Variants in LCMT1 observed in about 807,000 individuals in gnomAD.
The protein encoded by LCMT1 is leucine carboxyl methyltransferase 1.
In LCMT1, 32 loss-of-function variants were observed where a neutral mutation model predicts 47.7. The ratio of observed to expected loss-of-function variants is 0.67; its 90% CI spans 0.51 to 0.90. The LOEUF is 0.90. Ranked by LOEUF, LCMT1 falls within the 40% of genes least tolerant of loss-of-function variation. The pLI is 0.00. For missense variants in LCMT1, 375 were observed against 415.2 expected (o/e 0.90, Z 0.84); for synonymous variants, 152 against 149.7 (o/e 1.02, Z -0.11).
At chr16:25,133,242 G>C (rs1282334609) in intron 3 of LCMT1, among the ~76,000 whole-genome samples, 1 of 152,124 alleles carries the variant, frequency 6.6e-6, no homozygotes, top group Non-Finnish European at 1.5e-5. Context: ...ATATGGCTGG[G>C]TGATGATAAT....
At chr16:25,137,183 T>A (rs1223550660) in intron 3 of LCMT1, among the ~76,000 whole-genome samples, 1 of 152,048 alleles carries the variant, frequency 6.6e-6, no homozygotes, top group Non-Finnish European at 1.5e-5. Flanking sequence ...TACAGGCACC[T>A]ACCACCATGC....
chr16:25,159,253 G>T (rs145657293), intron 5 of LCMT1, among the ~76,000 whole-genome samples: 1 of 152,296 alleles, frequency 6.6e-6, no homozygotes, highest in South Asian at 2.1e-4. Flanking sequence ...TCCTAATAGG[G>T]TAGGCAACTA....
chr16:25,158,658 T>C (rs972092334), intron 5 of LCMT1: 1 of 152,260 alleles, frequency 6.6e-6, no homozygotes. Flanking sequence ...ATGGCTTTAT[T>C]TTCCCAGAAT....
At chr16:25,139,977 T>G in intron 3 of LCMT1, 194 bp from the exon 4 acceptor site, 3 of 562,500 alleles carry the variant, frequency 5.3e-6, no homozygotes, top group Non-Finnish European at 9.5e-6. Flanking sequence ...GCTTCCTGAC[T>G]TTTTACCTTC....
At chr16:25,151,242 T>A (rs934335404) in intron 4 of LCMT1, among the ~76,000 whole-genome samples, 26 of 152,218 alleles carry the variant, frequency 1.7e-4, no homozygotes, top group African/African-American at 6.3e-4. Flanking sequence ...TGAAAAATTC[T>A]TGTTAGGTTA....
At chr16:25,173,326 GC>G (rs5816287) in intron 9 of LCMT1, among the ~76,000 whole-genome samples, 7,883 of 152,278 alleles carry the variant, frequency 0.052, 217 homozygotes, top group East Asian at 0.13. Flanking sequence ...CCATCCTGGA[GC>G]CTTCAGTATG....
At chr16:25,151,722 TG>T (rs371061092) in intron 5 of LCMT1, 107 bp downstream of exon 5, 2 of 790,928 alleles carry the variant, frequency 2.5e-6, no homozygotes, top group Non-Finnish European at 4.2e-6. Flanking sequence ...TGTGTGTGTG[TG>T]GTGTTATACA....
At chr16:25,157,990 A>AT (rs1374552268) in intron 5 of LCMT1, among the ~76,000 whole-genome samples, 2 of 152,238 alleles carry the variant, frequency 1.3e-5, no homozygotes, top group Non-Finnish European at 2.9e-5. Context: ...TTGAAAAAAA[A>AT]GTACACATAA....
intron 3 of LCMT1, 23 bp downstream of exon 3, chr16:25,132,546 C>T (rs767758330): frequency 3.1e-6 from 5 of 1,609,456 alleles, no homozygotes; most frequent in Non-Finnish European, 4.2e-6. Flanking sequence ...TCCCCTCCTC[C>T]CTCCCCAAGT....
intron 1 of LCMT1, among the ~76,000 whole-genome samples, chr16:25,113,318 C>G (rs1203212018): frequency 6.6e-6 from 1 of 152,118 alleles, no homozygotes; most frequent in African/African-American, 2.4e-5. Context: ...TTGGATTAAA[C>G]CTTGCACTTT....
Position 25,111,798 on chromosome 16 carries a change from T to C in LCMT1, c.-86T>C. On this transcript the variant is annotated 5_prime_UTR_variant, in exon 1 of 11. Transcript: ENST00000399069. ...GGCCCTACCCTCTTCTGTTGCTTTC[T>C]CCCTGTGGCTCGCGCCGTCCCCCGC... 2.2e-6 allele frequency: 2 copies of C among 892,706 alleles called. No homozygotes were observed. The highest frequency in any genetic ancestry group is 1.4e-5 in the South Asian group (1 of 69,922). The allele number at this position is 892,706 out of a possible 1,614,324, so 55.3% of individuals were successfully genotyped here.
chr16:25,152,463 T>C (rs1258682284), intron 5 of LCMT1, among the ~76,000 whole-genome samples: 1 of 152,180 alleles, frequency 6.6e-6, no homozygotes, highest in Admixed American at 6.5e-5. Context: ...CATTTAAACT[T>C]GGGGTTACCA....
At chr16:25,140,325 C>G in intron 4 of LCMT1, 78 bp downstream of exon 4, 3 of 1,107,882 alleles carry the variant, frequency 2.7e-6, no homozygotes, top group Non-Finnish European at 1.3e-6. Context: ...GATCTGAATG[C>G]CAGAGACTTC....
intron 4 of LCMT1, chr16:25,148,179 T>C (rs1960930657): frequency 6.6e-6 from 1 of 152,380 alleles, no homozygotes; most frequent in South Asian, 2.1e-4. Context: ...GAGTGCCAGC[T>C]TGGATGGTTT....
chr16:25,176,371 G>A (rs868405930), intron 10 of LCMT1, among the ~76,000 whole-genome samples: 9 of 151,970 alleles, frequency 5.9e-5, no homozygotes, highest in South Asian at 4.2e-4. Context: ...CAGCTGATCC[G>A]AAACAGAACT....
intron 4 of LCMT1, among the ~76,000 whole-genome samples, chr16:25,150,990 G>A (rs1322721611): frequency 1.3e-5 from 2 of 152,170 alleles, no homozygotes; most frequent in East Asian, 3.8e-4. Flanking sequence ...GTCCAGAGAT[G>A]GTTTCCGGGG....
intron 2 of LCMT1, among the ~76,000 whole-genome samples, chr16:25,131,323 C>T (rs758554083): frequency 7.2e-5 from 11 of 152,368 alleles, no homozygotes; most frequent in African/African-American, 2.2e-4. Context: ...CACGCCCTGG[C>T]GGCACCCCTC....
chr16:25,157,725 A>G (rs954961401), intron 5 of LCMT1, among the ~76,000 whole-genome samples: 2 of 152,250 alleles, frequency 1.3e-5, no homozygotes, highest in African/African-American at 4.8e-5. Flanking sequence ...GGGTTCATTC[A>G]GGTGGAACTT....
At chr16:25,124,260 C>G (rs1484349034) in intron 1 of LCMT1, among the ~76,000 whole-genome samples, 2 of 152,182 alleles carry the variant, frequency 1.3e-5, no homozygotes, top group African/African-American at 4.8e-5. Flanking sequence ...GTATCCTCAT[C>G]TTTAAGCAAC....
Sources: allele counts gnomAD v4.1 joint callset (sites outside exome capture counted in the v4.1 genomes callset), GRCh38; gene constraint gnomAD v4.1.1; transcripts MANE v1.5; gene names NCBI Gene and HGNC (gene_info 2026-07-23, HGNC 2026-07-21).